The following BMPR2 variants were observed in gnomAD, a reference collection of about 807,000 sequenced individuals.
The protein encoded by BMPR2 is bone morphogenetic protein receptor type-2.
A neutral mutation model predicts 100.8 loss-of-function variants in BMPR2; 29 were observed. That is an observed-to-expected ratio of 0.29 (90% confidence interval 0.21 to 0.39). The LOEUF is 0.39. Ranked by LOEUF, BMPR2 falls within the 10% of genes least tolerant of loss-of-function variation. BMPR2 has a pLI of 1.00. For synonymous variants in BMPR2, 382 were observed against 442.3 expected (o/e 0.86, Z 1.71); for missense variants, 1,011 against 1,274.5 (o/e 0.79, Z 3.15).
At chr2:202,392,177 T>TCTCCTGCCTCTGCCTCCCAAGTAGC (rs1690564145) in intron 1 of BMPR2, among the ~76,000 whole-genome samples, 1 of 151,964 alleles carries the variant, frequency 6.6e-6, no homozygotes, top group Non-Finnish European at 1.5e-5. Context: ...TTCAAACGAT[T>TCTCCTGCCTCTGCCTCCCAAGTAGC]CTCCTGCCTC....
chr2:202,450,722 A>AT (rs1691962794), intron 1 of BMPR2, among the ~76,000 whole-genome samples: 1 of 151,578 alleles, frequency 6.6e-6, no homozygotes. Context: ...AGATTTCACC[A>AT]TAAGATTGGG....
chr2:202,490,067 A>G (rs1050658440), intron 3 of BMPR2, among the ~76,000 whole-genome samples: 1 of 152,188 alleles, frequency 6.6e-6, no homozygotes, highest in African/African-American at 2.4e-5. Flanking sequence ...TCAAGCTTCT[A>G]TCAATAGTGG....
intron 1 of BMPR2, 99 bp downstream of exon 1, chr2:202,377,649 G>C (rs977248220): frequency 5.4e-5 from 76 of 1,401,038 alleles, no homozygotes; most frequent in Middle Eastern, 2.2e-4. Context: ...TTCGCCATGC[G>C]TCCCCCCGAT....
In BMPR2 at chr2:202,464,784, C is replaced by T. The variant is rs1692285593; in HGVS notation, c.77-25C>T. The T allele has an allele frequency of 2.5e-6, 4 of 1,591,694 alleles. No individual in the cohort carries two copies. In the East Asian group the frequency reaches 9.0e-5, roughly 36 times the overall value. On this transcript the variant is annotated intron_variant, in intron 1 of 12. Coordinates refer to ENST00000374580, the MANE Select transcript of BMPR2 (RefSeq NM_001204.7). The stretch of plus-strand genomic sequence containing the variant: ...ATTTTGAAAACATTAAATAATTTGT[C>T]ATTCCTTTATTTCCTTTATTTTAGC...
chr2:202,538,998 C>T (rs1161287955), intron 9 of BMPR2, among the ~76,000 whole-genome samples: 1 of 151,866 alleles, frequency 6.6e-6, no homozygotes, highest in African/African-American at 2.4e-5. Context: ...AGTTATGAGT[C>T]GATGCACTCC....
intron 3 of BMPR2, among the ~76,000 whole-genome samples, chr2:202,482,474 A>G (rs1159397056): frequency 1.3e-5 from 2 of 152,122 alleles, no homozygotes; most frequent in Non-Finnish European, 2.9e-5. Context: ...CCTGGGCTCA[A>G]ATGATCCTCC....
chr2:202,439,946 CA>C (rs964351195), intron 1 of BMPR2, among the ~76,000 whole-genome samples: 2 of 150,136 alleles, frequency 1.3e-5, no homozygotes, highest in Admixed American at 6.6e-5. Context: ...GGAGTTCAAG[CA>C]TCTGTTTAAC....
At position 202,564,577 on chromosome 2, in the gene BMPR2, C is replaced by T. The variant is rs1352209323; in HGVS notation, c.*4631C>T. On this transcript the variant is annotated 3_prime_UTR_variant, in exon 13 of 13. Coordinates refer to ENST00000374580, the MANE Select transcript of BMPR2 (RefSeq NM_001204.7). Reference sequence around the variant, plus strand: ...GCAAACTTTACCCAAAACTATCTTGCATGATTCCCTCCTAAATATATTCCT... The same window carrying T: ...GCAAACTTTACCCAAAACTATCTTGTATGATTCCCTCCTAAATATATTCCT... 1 of 152,204 alleles carries T rather than the reference C, an allele frequency of 6.6e-6. No homozygotes were observed. Among genetic ancestry groups the T allele is most frequent in the Non-Finnish European group, 1.5e-5 (1 of 68,034 alleles). 9.4% of individuals were successfully genotyped at this position (152,204 alleles called of 1,614,324 possible).
At chr2:202,477,406 G>A (rs938220770) in intron 3 of BMPR2, among the ~76,000 whole-genome samples, 3 of 151,766 alleles carry the variant, frequency 2.0e-5, no homozygotes, top group Non-Finnish European at 4.4e-5. Context: ...GATTGTTATT[G>A]AGTTTCCTAT....
Position 202,450,403 on chromosome 2 carries a change from C to T in BMPR2, c.77-14406C>T, listed in dbSNP as rs556485904. ...GGATTATTTGCTTTACAAAAGATTT[C>T]ACCATGGGCTGGGCGAGGTGGCTCA... is the stretch of plus-strand genomic sequence containing the variant. On this transcript the variant is annotated intron_variant, in intron 1 of 12. Coordinates refer to ENST00000374580, the MANE Select transcript of BMPR2 (RefSeq NM_001204.7). 2.8e-4 allele frequency among the ~76,000 whole-genome samples: 42 copies of T among 152,152 alleles called. No homozygotes were observed. The Middle Eastern group carries it at 0.014, about 49-fold the overall frequency.
At position 202,562,546 on chromosome 2, in the gene BMPR2, T is replaced by A. The variant is rs2105718396; in HGVS notation, c.*2600T>A. On this transcript the variant is annotated 3_prime_UTR_variant, in exon 13 of 13. Transcript: ENST00000374580. Reference sequence around the variant, plus strand: ...TAATTGTATGCTAATACTCATCTGATAATAAATGCTTCTTAAAGTTGACAT... The same window carrying A: ...TAATTGTATGCTAATACTCATCTGAAAATAAATGCTTCTTAAAGTTGACAT... The A allele has an allele frequency of 6.5e-6, 1 of 152,686 alleles. No homozygotes were observed. The highest frequency in any genetic ancestry group is 2.4e-5 in the African/African-American group (1 of 41,562). The allele number at this position is 152,686 out of a possible 1,614,324, so 9.5% of individuals were successfully genotyped here. A position where few individuals can be genotyped will look rare whatever the true frequency, so the allele number is the denominator to read the frequency against.
Position 202,530,787 on chromosome 2 carries a change from C to T in BMPR2, c.968-7C>T, listed in dbSNP as rs1190643360. Reference sequence around the variant, plus strand: ...TCATTGATAAATATTTGAAATTATCCAAACAGATCATTATAAACCTGCAAT... The same window carrying T: ...TCATTGATAAATATTTGAAATTATCTAAACAGATCATTATAAACCTGCAAT... On this transcript the variant is annotated splice_polypyrimidine_tract_variant and splice_region_variant and intron_variant, in intron 7 of 12. Coordinates refer to ENST00000374580, the MANE Select transcript of BMPR2 (RefSeq NM_001204.7). 1 of 1,604,024 alleles carries T rather than the reference C, an allele frequency of 6.2e-7. No individual in the cohort carries two copies. The highest frequency in any genetic ancestry group is 8.5e-7 in the Non-Finnish European group (1 of 1,172,242).
Position 202,561,194 on chromosome 2 carries a change from A to AG in BMPR2, c.*1251dup, listed in dbSNP as rs1688673531. On this transcript the variant is annotated 3_prime_UTR_variant, in exon 13 of 13. Coordinates refer to ENST00000374580, the MANE Select transcript of BMPR2 (RefSeq NM_001204.7). ...TGGCATGCCAAGTCCCTATGAAGGA[A>AG]GGGCTGCTATCAAACCTACCTTTTT... 6.6e-6 allele frequency: 1 copy of AG among 152,180 alleles called. No homozygotes were observed. The highest frequency in any genetic ancestry group is 1.5e-5 in the Non-Finnish European group (1 of 68,010). The allele number at this position is 152,180 out of a possible 1,614,324, so 9.4% of individuals were successfully genotyped here.
intron 5 of BMPR2, 108 bp from the exon 6 acceptor site, chr2:202,518,713 TA>T: frequency 1.1e-6 from 1 of 917,540 alleles, no homozygotes; most frequent in Non-Finnish European, 1.8e-6. Flanking sequence ...GAATAAACTG[TA>T]AGCAACAGAG....
At chr2:202,424,675 G>T (rs1194574793) in intron 1 of BMPR2, among the ~76,000 whole-genome samples, 1 of 152,060 alleles carries the variant, frequency 6.6e-6, no homozygotes, top group Non-Finnish European at 1.5e-5. Context: ...CAGCCTGGGC[G>T]ACAGAGCGAC....
chr2:202,480,682 G>A (rs758997873), intron 3 of BMPR2, among the ~76,000 whole-genome samples: 20 of 151,898 alleles, frequency 1.3e-4, no homozygotes, highest in Non-Finnish European at 1.8e-4. Context: ...GGCCGGGCAC[G>A]GTGGCTCATG....
intron 1 of BMPR2, among the ~76,000 whole-genome samples, chr2:202,431,816 T>C (rs887378625): frequency 1.3e-5 from 2 of 150,576 alleles, no homozygotes; most frequent in African/African-American, 2.5e-5. Context: ...AACAAGGCAT[T>C]TCTCAGAACT....
At chr2:202,381,581 G>A (rs6717924) in intron 1 of BMPR2, among the ~76,000 whole-genome samples, 18,883 of 152,210 alleles carry the variant, frequency 0.12, 1,252 homozygotes, top group Admixed American at 0.14. Flanking sequence ...CACTTTGCCT[G>A]TGATGAGGCT....
rs557505504 is a variant in BMPR2, at chr2:202,426,009, T to A, written c.77-38800T>A. Among the ~76,000 whole-genome samples the A allele has an allele frequency of 2.0e-5, 3 of 152,374 alleles. No homozygotes were observed. In the South Asian group the frequency reaches 6.2e-4, roughly 32 times the overall value. On this transcript the variant is annotated intron_variant, in intron 1 of 12. Coordinates refer to ENST00000374580, the MANE Select transcript of BMPR2 (RefSeq NM_001204.7). ...ATCCAAAAGGGAAATGTGAAAGGATTTGAATAGGCAATTCACAAAATAGGA... is the reference window on the plus strand; with the variant it reads ...ATCCAAAAGGGAAATGTGAAAGGATATGAATAGGCAATTCACAAAATAGGA...
Sources: gnomAD v4.1 joint callset for allele counts (sites outside exome capture counted in the v4.1 genomes callset) on GRCh38, gnomAD v4.1.1 for gene constraint, MANE v1.5 for transcripts, NCBI Gene and HGNC (gene_info 2026-07-23, HGNC 2026-07-21) for gene names.